ARHGEF17: variants seen among roughly 807,000 people sequenced by gnomAD.
The protein encoded by ARHGEF17 is Rho guanine nucleotide exchange factor 17.
Under a neutral mutation model 174.0 loss-of-function variants are expected in ARHGEF17, and 80 were observed. The observed-to-expected ratio is 0.46, with a 90% CI of 0.38 to 0.55. The LOEUF is 0.55. ARHGEF17 is among the 20% of genes least tolerant of loss of function. ARHGEF17 has a pLI of 0.00. For missense variants in ARHGEF17, 2,886 were observed against 2,839.7 expected (o/e 1.02, Z -0.37); for synonymous variants, 1,311 against 1,189.1 (o/e 1.10, Z -2.11).
chr11:73,364,537 G>A lies in ARHGEF17; in HGVS notation c.5487G>A (p.Gly1829=). The change falls in exon 18 of 21, where the codon GGG becomes GGA. Residue 1829 remains glycine, a synonymous_variant. Transcript: ENST00000263674. ...TCACCAAGATGGTATCTGTGGGTGG[G>A]CGGCTGTGGTGTGGCTGCCAGAACC... The part of the protein sequence containing the change: ...SPITKMVSVG[G]RLWCGCQNRV... 1.2e-6 allele frequency: 2 copies of A among 1,613,878 alleles called. No homozygotes were observed. Among genetic ancestry groups the A allele is most frequent in the Admixed American group, 1.7e-5 (1 of 59,968 alleles).
chr11:73,345,417 T>G (rs975979406), intron 1 of ARHGEF17, among the ~76,000 whole-genome samples: 1 of 151,904 alleles, frequency 6.6e-6, no homozygotes, highest in Non-Finnish European at 1.5e-5. Flanking sequence ...CTTTTCTGAG[T>G]GTGCTTCATT....
intron 1 of ARHGEF17, among the ~76,000 whole-genome samples, chr11:73,316,488 A>G (rs1382152051): frequency 6.6e-6 from 1 of 152,164 alleles, no homozygotes; most frequent in African/African-American, 2.4e-5. Context: ...AGGGTGGGGT[A>G]CTTTAGATCA....
At chr11:73,342,600 T>C (rs1312331696) in intron 1 of ARHGEF17, among the ~76,000 whole-genome samples, 4 of 152,150 alleles carry the variant, frequency 2.6e-5, no homozygotes, top group African/African-American at 4.8e-5. Flanking sequence ...CAGGTTTCCA[T>C]GAACGTGGCC....
chr11:73,318,224 C>G (rs61131329), intron 1 of ARHGEF17, among the ~76,000 whole-genome samples: 47,306 of 151,818 alleles, frequency 0.31, 9,813 homozygotes, highest in African/African-American at 0.59. Flanking sequence ...CCCACCATCG[C>G]CTCCTGCTCT....
chr11:73,334,193 G>A (rs1400277422), intron 1 of ARHGEF17, among the ~76,000 whole-genome samples: 1 of 152,342 alleles, frequency 6.6e-6, no homozygotes, highest in Middle Eastern at 3.4e-3. Flanking sequence ...GGAGGCTGCT[G>A]ATTGGGGAAT....
chr11:73,353,409 C>T, intron 3 of ARHGEF17: 1 of 240,698 alleles, frequency 4.2e-6, no homozygotes, highest in Non-Finnish European at 8.2e-6. Flanking sequence ...TGCCCTGGTC[C>T]TGACCCTGGA....
Position 73,362,444 on chromosome 11 carries a change from C to T in ARHGEF17, c.4706C>T (p.Pro1569Leu), listed in dbSNP as rs761937012. Residue 1569 changes from proline to leucine, a missense_variant, in exon 14 of 21, where the codon CCG becomes CTG. Pro to Leu is a moderately conservative substitution (Grantham distance 98, BLOSUM62 -3). Coordinates refer to ENST00000263674, the MANE Select transcript of ARHGEF17 (RefSeq NM_014786.4). ...CCGTCTTCTCGCAGGGAGCCTCCTCCGTCGCTGAGGAGTCCTCCAGAGACG... is the reference window on the plus strand; with the variant it reads ...CCGTCTTCTCGCAGGGAGCCTCCTCTGTCGCTGAGGAGTCCTCCAGAGACG... The part of the protein sequence containing the change: ...LQPRCHREPP[P>L]SLRSPPETAP... 1.4e-5 allele frequency: 22 copies of T among 1,562,050 alleles called. No homozygotes were observed. Among genetic ancestry groups the T allele is most frequent in the South Asian group, 1.0e-4 (9 of 86,618 alleles).
Position 73,361,269 on chromosome 11 carries a change from T to A in ARHGEF17, c.4494+108T>A, listed in dbSNP as rs57422730. 3.1e-3 allele frequency: 3,137 copies of A among 1,027,616 alleles called. 74 individuals carry two copies. The African/African-American group carries it at 0.045, about 15-fold the overall frequency. 63.7% of individuals were successfully genotyped at this position (1,027,616 alleles called of 1,614,324 possible). A position where few individuals can be genotyped will look rare whatever the true frequency, so the allele number is the denominator to read the frequency against. ...ATGCCGTGAACATTGCTATTGCTCC[T>A]TATGTCTTGGAGAATTCAGCTCTCT... On this transcript the variant is annotated intron_variant, in intron 12 of 20. Coordinates refer to ENST00000263674, the MANE Select transcript of ARHGEF17 (RefSeq NM_014786.4).
In ARHGEF17 at chr11:73,362,052, G is replaced by A. The variant is rs774233631; in HGVS notation, c.4507G>A (p.Ala1503Thr). 1.9e-6 allele frequency: 3 copies of A among 1,612,374 alleles called. No individual in the cohort carries two copies. In the Admixed American group the frequency reaches 5.0e-5, roughly 27 times the overall value. The change falls in exon 13 of 21, where the codon GCT (alanine) becomes ACT (threonine). Residue 1503 changes from alanine (A) to threonine (T), a missense_variant. Ala to Thr is a moderately conservative substitution (Grantham distance 58). Around this residue, in one of 4 missense-constraint regions of ARHGEF17, gnomAD observed 476 missense variants for 473.1 expected, o/e 1.01. Transcript: ENST00000263674. ...GCGCCTCCTGCAGTTCTCCTGTGCG[G>A]CTCCCACCCTGAACAGCTGCCCGGA... ...TRSGMQFSCA[A>T]PTLNSCPEPS...
At chr11:73,366,743 TA>T (rs1565212367) in intron 20 of ARHGEF17, among the ~76,000 whole-genome samples, 1 of 150,762 alleles carries the variant, frequency 6.6e-6, no homozygotes, top group South Asian at 2.1e-4. Context: ...CTCAAAAAAA[TA>T]AAAATAAAAA....
chr11:73,308,716 C>CG lies in ARHGEF17; in HGVS notation c.81dup (p.Leu28AlafsTer119). 1 of 1,513,968 alleles carries CG rather than the reference C, an allele frequency of 6.6e-7. No homozygotes were observed. The highest frequency in any genetic ancestry group is 8.8e-7 in the Non-Finnish European group (1 of 1,135,606). The allele number at this position is 1,513,968 out of a possible 1,614,324, so 93.8% of individuals were successfully genotyped here. On this transcript the variant is annotated frameshift_variant, in exon 1 of 21. Transcript: ENST00000263674. LOFTEE classifies it high-confidence loss of function. The stretch of plus-strand genomic sequence containing the variant: ...TGCTGGAGCGCTGGAGCGGCGGCCC[C>CG]GGGCTGAGGGAGGAGGACACGGACA...
intron 14 of ARHGEF17, 132 bp from the exon 15 acceptor site, chr11:73,363,074 A>G: frequency 7.9e-7 from 1 of 1,273,820 alleles, no homozygotes; most frequent in South Asian, 1.6e-5. Context: ...AGCAGACCGG[A>G]GCAGGCCGGG....
At chr11:73,355,337 A>G (rs1226538060) in intron 3 of ARHGEF17, among the ~76,000 whole-genome samples, 196 bp from the exon 4 acceptor site, 2 of 152,236 alleles carry the variant, frequency 1.3e-5, no homozygotes. Flanking sequence ...GCACTCGTAT[A>G]TCCATGTGTA....
chr11:73,361,851 CCA>C (rs1491170971), intron 12 of ARHGEF17, among the ~76,000 whole-genome samples, 187 bp from the exon 13 acceptor site: 4 of 142,464 alleles, frequency 2.8e-5, no homozygotes, highest in Non-Finnish European at 4.8e-5. Context: ...AAGAACCAAT[CCA>C]AAAAAAAAAA....
chr11:73,362,219 G>A lies in ARHGEF17; in HGVS notation c.4674G>A (p.Gly1558=). Residue 1558 remains glycine, a synonymous_variant, in exon 13 of 21, where the codon GGG becomes GGA. Transcript: ENST00000263674. ...ARILCIGAVP[G]LQPRCHREPP... The stretch of plus-strand genomic sequence containing the variant: ...TCCTCTGCATCGGGGCGGTGCCCGG[G>A]CTGCAGCCTCGCTGCCACCGGTGAG... 4 of 1,545,784 alleles carry A rather than the reference G, an allele frequency of 2.6e-6. No individual in the cohort carries two copies. Among genetic ancestry groups the A allele is most frequent in the Non-Finnish European group, 3.5e-6 (4 of 1,150,526 alleles).
Position 73,364,702 on chromosome 11 carries a change from AG to A in ARHGEF17, c.5550+105del, listed in dbSNP as rs1461035582. The A allele has an allele frequency of 3.5e-6, 5 of 1,436,826 alleles. No individual in the cohort carries two copies. The African/African-American group carries it at 7.1e-5, about 21-fold the overall frequency. The allele number at this position is 1,436,826 out of a possible 1,614,324, so 89.0% of individuals were successfully genotyped here. A position where few individuals can be genotyped will look rare whatever the true frequency, so the allele number is the denominator to read the frequency against. ...TAGGGGCATAAGCAGCATCCAGCAG[AG>A]GGCTAGGGCCTTCCTCTGACCACAG... On this transcript the variant is annotated intron_variant, in intron 18 of 20. Transcript: ENST00000263674.
chr11:73,308,749 C>G lies in ARHGEF17; in HGVS notation c.111C>G (p.Gly37=). The change falls in exon 1 of 21, where the codon GGC becomes GGG. Residue 37 remains glycine, a synonymous_variant. Coordinates refer to ENST00000263674, the MANE Select transcript of ARHGEF17 (RefSeq NM_014786.4). ...GLREEDTDTP[G]LRRRASCRPT... is the part of the protein sequence containing the mutation. ...GGGAGGAGGACACGGACACCCCCGG[C>G]TTGAGGCGACGCGCCTCGTGCCGGC... The G allele has an allele frequency of 6.8e-7, 1 of 1,479,470 alleles. No homozygotes were observed. Among genetic ancestry groups the G allele is most frequent in the Non-Finnish European group, 8.9e-7 (1 of 1,121,894 alleles). The allele number at this position is 1,479,470 out of a possible 1,614,324, so 91.6% of individuals were successfully genotyped here. A position where few individuals can be genotyped will look rare whatever the true frequency, so the allele number is the denominator to read the frequency against.
chr11:73,367,294 G>A (rs1865855864), intron 20 of ARHGEF17, among the ~76,000 whole-genome samples: 1 of 152,158 alleles, frequency 6.6e-6, no homozygotes, highest in Non-Finnish European at 1.5e-5. Context: ...ATAGAAAGTG[G>A]CATCTTACAG....
At chr11:73,354,577 G>A (rs185506063) in intron 3 of ARHGEF17, among the ~76,000 whole-genome samples, 1 of 152,272 alleles carries the variant, frequency 6.6e-6, no homozygotes, top group Non-Finnish European at 1.5e-5. Flanking sequence ...AGGTGGGCGT[G>A]GTGGCATGCA....
Sources: allele counts gnomAD v4.1 joint callset (sites outside exome capture counted in the v4.1 genomes callset), GRCh38; gene constraint gnomAD v4.1.1; regional missense constraint gnomAD v4.1.1; transcripts MANE v1.5; gene names NCBI Gene and HGNC (gene_info 2026-07-23, HGNC 2026-07-21).